COL11A2: variants seen among roughly 807,000 people sequenced by gnomAD.
COL11A2 encodes the protein collagen type XI alpha 2 chain, also known as collagen alpha-2(XI) chain.
A neutral mutation model predicts 273.4 loss-of-function variants in COL11A2; 116 were observed. That is an observed-to-expected ratio of 0.42 (90% CI 0.36 to 0.49). COL11A2 has a LOEUF of 0.49. Ranked by LOEUF, COL11A2 falls within the 20% of genes least tolerant of loss-of-function variation. COL11A2 has a pLI of 0.00. For missense variants in COL11A2, 1,866 were observed against 2,309.0 expected, an observed-to-expected ratio of 0.81 and a Z score of 3.93; for synonymous variants, 782 against 864.2, an observed-to-expected ratio of 0.90 and a Z score of 1.67.
At position 33,170,338 on chromosome 6, in the gene COL11A2, G is replaced by C; in HGVS notation, c.3570C>G (p.Pro1190=). The C allele has an allele frequency of 6.2e-7, 1 of 1,613,756 alleles. No homozygotes were observed. The highest frequency in any genetic ancestry group is 8.5e-7 in the Non-Finnish European group (1 of 1,179,908). ...GPPGPRGPAG[P]NGADGPQGPP... is the part of the protein sequence containing the mutation. ...TGAGATGACTCACATCAGCGCCATT[G>C]GGTCCAGCTGGACCTCGAGGTCCTG... The change falls in exon 48 of 66, where the codon CCC becomes CCG. Residue 1190 remains proline (P), a synonymous_variant. Transcript: ENST00000341947. This position sits in a 1 kb window ranked among gnomAD's most constrained non-coding sequence, Gnocchi z 4.3.
chr6:33,167,627 G>T lies in COL11A2; in HGVS notation c.4015-94C>A. 6.7e-7 allele frequency: 1 copy of T among 1,503,092 alleles called. No individual in the cohort carries two copies. The highest frequency in any genetic ancestry group is 9.2e-7 in the Non-Finnish European group (1 of 1,092,212). The allele number at this position is 1,503,092 out of a possible 1,614,324, so 93.1% of individuals were successfully genotyped here. A position where few individuals can be genotyped will look rare whatever the true frequency, so the allele number is the denominator to read the frequency against. On this transcript the variant is annotated intron_variant, in intron 55 of 65. Coordinates refer to ENST00000341947, the MANE Select transcript of COL11A2 (RefSeq NM_080680.3). The surrounding 1 kb of genome is among the most constrained non-coding windows in gnomAD (Gnocchi z 6.1). ...CAAGGTGGGAGGCAGGAGGCAGGGA[G>T]GAAGGGCCAAACTCTAGGAGCCCCT...
chr6:33,169,820 C>T lies in COL11A2; in HGVS notation c.3690+11G>A, dbSNP rs1379461000. The T allele has an allele frequency of 1.2e-5, 20 of 1,613,934 alleles. No individual in the cohort carries two copies. The highest frequency in any genetic ancestry group is 1.7e-5 in the Non-Finnish European group (20 of 1,179,966). On this transcript the variant is annotated intron_variant, in intron 50 of 65. Coordinates refer to ENST00000341947, the MANE Select transcript of COL11A2 (RefSeq NM_080680.3). This position sits in a 1 kb window ranked among gnomAD's most constrained non-coding sequence, Gnocchi z 5.5. Reference sequence around the variant, plus strand: ...GGGACTGGGGAGTAAGGCCTTGGAGCTGTCACTCACCTTGACACCTGGCTC... The same window carrying T: ...GGGACTGGGGAGTAAGGCCTTGGAGTTGTCACTCACCTTGACACCTGGCTC...
rs1390757960 is a variant in COL11A2 at position 33,177,633 on chromosome 6, G to A, written c.1917+29C>T. 6.2e-7 allele frequency: 1 copy of A among 1,612,376 alleles called. No homozygotes were observed. ...GGCAGGGACCTCGGGGGATAAGAATGGGGGTGGGATCTCCTATCCATCACT... is the reference window on the plus strand; with the variant it reads ...GGCAGGGACCTCGGGGGATAAGAATAGGGGTGGGATCTCCTATCCATCACT... On this transcript the variant is annotated intron_variant, in intron 22 of 65. Transcript: ENST00000341947. This position sits in a 1 kb window ranked among gnomAD's most constrained non-coding sequence, Gnocchi z 5.9.
In COL11A2 at chr6:33,180,684, C is replaced by T. The variant is rs1281859891; in HGVS notation, c.1268G>A (p.Gly423Glu). 6.2e-7 allele frequency: 1 copy of T among 1,610,404 alleles called. No individual in the cohort carries two copies. Among genetic ancestry groups the T allele is most frequent in the Non-Finnish European group, 8.5e-7 (1 of 1,178,858 alleles). Reference sequence around the variant, plus strand: ...CCCCCTTACCCTCTCTCCAGGGTCTCCAACTGGGCCTGGGTTCCCCTGGAT... The same window carrying T: ...CCCCCTTACCCTCTCTCCAGGGTCTTCAACTGGGCCTGGGTTCCCCTGGAT... Reference protein sequence around the residue: ...PGIQGNPGPVGDPGERGPPGR... With the variant: ...PGIQGNPGPVEDPGERGPPGR... The change falls in exon 11 of 66, where the codon GGA (glycine) becomes GAA (glutamate). Residue 423 changes from glycine to glutamate, a missense_variant. Transcript: ENST00000341947.
intron 54 of COL11A2, 80 bp downstream of exon 54, chr6:33,168,439 A>G: frequency 6.7e-7 from 1 of 1,483,924 alleles, no homozygotes; most frequent in Non-Finnish European, 9.4e-7. Flanking sequence ...CTCCCCACCC[A>G]TCCCACCTGC....
rs1462013650 is a variant in COL11A2 at position 33,178,699 on chromosome 6, G to A, written c.1699C>T (p.Pro567Ser). ...CTCACCCTATGGCCCTTCTCTCCAG[G>A]GAGCCCTGGGAGTCCATCAAAACCT... Reference protein sequence around the residue: ...DRGFDGLPGLPGEKGHRGDTG... With the variant: ...DRGFDGLPGLSGEKGHRGDTG... Residue 567 changes from proline (P) to serine (S), a missense_variant, in exon 18 of 66, where the codon CCT (proline) becomes TCT (serine). Pro to Ser is a moderately conservative substitution (Grantham distance 74). Transcript: ENST00000341947. The surrounding 1 kb of genome is among the most constrained non-coding windows in gnomAD (Gnocchi z 4.6). 1 of 1,612,768 alleles carries A rather than the reference G, an allele frequency of 6.2e-7. No homozygotes were observed. The highest frequency in any genetic ancestry group is 1.3e-5 in the African/African-American group (1 of 74,866).
chr6:33,177,445 T>C lies in COL11A2; in HGVS notation c.1938A>G (p.Gly646=). The part of the protein sequence containing the change: ...KGSLGPQGEP[G]PPGQQGTPGT... ...CAGGGGTGCCCTGTTGTCCAGGAGG[T>C]CCTGGCTCTCCCTGGGGTCCCTAGA... The change falls in exon 23 of 66, where the codon GGA becomes GGG. Residue 646 remains glycine (G), a synonymous_variant. Transcript: ENST00000341947. This position sits in a 1 kb window ranked among gnomAD's most constrained non-coding sequence, Gnocchi z 5.9. 6.2e-7 allele frequency: 1 copy of C among 1,612,622 alleles called. No individual in the cohort carries two copies. The highest frequency in any genetic ancestry group is 8.5e-7 in the Non-Finnish European group (1 of 1,179,934).
In COL11A2 at chr6:33,169,399, C is replaced by T. The variant is rs1769704251; in HGVS notation, c.3782G>A (p.Gly1261Asp). ...PGPKGPTGDDGPKGNPGPVGF... is the reference protein window; with the variant it reads ...PGPKGPTGDDDPKGNPGPVGF... ...CAAACTCACAGGGTTCCCTTTGGGG[C>T]CATCATCGCCTGTGGGGCCTTTAGG... The change falls in exon 51 of 66, where the codon GGC becomes GAC. Residue 1261 changes from glycine (G) to aspartate (D), a missense_variant. Physicochemically the swap from Gly to Asp is moderately conservative, Grantham distance 94. Transcript: ENST00000341947. The surrounding 1 kb of genome is among the most constrained non-coding windows in gnomAD (Gnocchi z 5.5). 2 of 1,612,700 alleles carry T rather than the reference C, an allele frequency of 1.2e-6. No individual in the cohort carries two copies. Among genetic ancestry groups the T allele is most frequent in the Admixed American group, 1.7e-5 (1 of 60,008 alleles).
chr6:33,177,900 C>A lies in COL11A2; in HGVS notation c.1873-194G>T. On this transcript the variant is annotated intron_variant, in intron 21 of 65. Transcript: ENST00000341947. The surrounding 1 kb of genome is among the most constrained non-coding windows in gnomAD (Gnocchi z 5.9). ...GCTTGTGGGCTTTGGTTTTGTTTTT[C>A]TTGAAGATTTATTTCCTATGCCCAG... 1.3e-6 allele frequency: 1 copy of A among 783,268 alleles called. No homozygotes were observed. Among genetic ancestry groups the A allele is most frequent in the Non-Finnish European group, 2.1e-6 (1 of 476,072 alleles). 48.5% of individuals were successfully genotyped at this position (783,268 alleles called of 1,614,324 possible). A position where few individuals can be genotyped will look rare whatever the true frequency, so the allele number is the denominator to read the frequency against.
At chr6:33,172,403 G>A (rs368321518) in intron 39 of COL11A2, 25 bp from the exon 40 acceptor site, 15 of 1,568,930 alleles carry the variant, frequency 9.6e-6, no homozygotes, top group Admixed American at 1.8e-5. Context: ...GAGGTGATGA[G>A]CCACAGCCAT....
chr6:33,191,879 C>A (rs1562396055), intron 1 of COL11A2, among the ~76,000 whole-genome samples: 1 of 152,210 alleles, frequency 6.6e-6, no homozygotes, highest in Non-Finnish European at 1.5e-5. Flanking sequence ...TCAGCTCTTC[C>A]CAAGGACTCA....
In COL11A2 at chr6:33,178,185, C is replaced by T. The variant is rs1320963296; in HGVS notation, c.1819G>A (p.Gly607Arg). 1 of 1,611,874 alleles carries T rather than the reference C, an allele frequency of 6.2e-7. No homozygotes were observed. Among genetic ancestry groups the T allele is most frequent in the Non-Finnish European group, 8.5e-7 (1 of 1,179,294 alleles). Residue 607 changes from glycine to arginine, a missense_variant and splice_region_variant, in exon 21 of 66, where the codon GGA (glycine) becomes AGA (arginine). Gly to Arg is a moderately radical substitution (Grantham distance 125). Coordinates refer to ENST00000341947, the MANE Select transcript of COL11A2 (RefSeq NM_080680.3). This position sits in a 1 kb window ranked among gnomAD's most constrained non-coding sequence, Gnocchi z 4.6. The stretch of plus-strand genomic sequence containing the variant: ...TTGGGGCCAAGGAGACCTCGAGGTC[C>T]CTGCATTCACGGTGAGGGGAGGAGA... ...IGPRGLPGES[G>R]PRGLLGPKGP...
chr6:33,166,484 T>G lies in COL11A2; in HGVS notation c.4392+29A>C. 6.2e-7 allele frequency: 1 copy of G among 1,610,354 alleles called. No homozygotes were observed. The highest frequency in any genetic ancestry group is 8.5e-7 in the Non-Finnish European group (1 of 1,177,898). On this transcript the variant is annotated intron_variant, in intron 60 of 65. Coordinates refer to ENST00000341947, the MANE Select transcript of COL11A2 (RefSeq NM_080680.3). The surrounding 1 kb of genome is among the most constrained non-coding windows in gnomAD (Gnocchi z 4.8). The stretch of plus-strand genomic sequence containing the variant: ...GTGGGCAGCAGAGGGGTTTAGGGGA[T>G]TTTGTGGAGGAACAGAGGCAGTACT...
At position 33,190,528 on chromosome 6, in the gene COL11A2, CAA is replaced by C. The variant is rs1233426130; in HGVS notation, c.83-1061_83-1060del. ...CATCAGCTCCAGATTGGAAAAATCC[CAA>C]AGAGAGTTCCAGCAAAACTTTCATA... On this transcript the variant is annotated intron_variant, in intron 1 of 65. Coordinates refer to ENST00000341947, the MANE Select transcript of COL11A2 (RefSeq NM_080680.3). This position sits in a 1 kb window ranked among gnomAD's most constrained non-coding sequence, Gnocchi z 4.5. 6.7e-6 allele frequency among the ~76,000 whole-genome samples: 1 copy of C among 149,978 alleles called. No individual in the cohort carries two copies. Among genetic ancestry groups the C allele is most frequent in the African/African-American group, 2.4e-5 (1 of 40,900 alleles).
rs912140005 is a variant in COL11A2 at position 33,192,325 on chromosome 6, C to T, written c.-85G>A. On this transcript the variant is annotated 5_prime_UTR_variant, in exon 1 of 66. Coordinates refer to ENST00000341947, the MANE Select transcript of COL11A2 (RefSeq NM_080680.3). ...CCTGAGGCTGACAGAAGACAGGGAG[C>T]AGACTATGAGCCTCAGACGCCGGGG... is the stretch of plus-strand genomic sequence containing the variant. 2.3e-6 allele frequency: 3 copies of T among 1,327,564 alleles called. No individual in the cohort carries two copies. Among genetic ancestry groups the T allele is most frequent in the Admixed American group, 3.9e-5 (2 of 50,704 alleles). 82.2% of individuals were successfully genotyped at this position (1,327,564 alleles called of 1,614,324 possible).
chr6:33,192,334 A>G lies in COL11A2; in HGVS notation c.-94T>C, dbSNP rs1263306767. 4.1e-6 allele frequency: 5 copies of G among 1,227,108 alleles called. No individual in the cohort carries two copies. Among genetic ancestry groups the G allele is most frequent in the Non-Finnish European group, 5.8e-6 (5 of 860,664 alleles). The allele number at this position is 1,227,108 out of a possible 1,614,324, so 76.0% of individuals were successfully genotyped here. ...GACAGAAGACAGGGAGCAGACTATG[A>G]GCCTCAGACGCCGGGGTCCCAGGGA... On this transcript the variant is annotated 5_prime_UTR_variant, in exon 1 of 66. Coordinates refer to ENST00000341947, the MANE Select transcript of COL11A2 (RefSeq NM_080680.3).
chr6:33,179,042 C>A lies in COL11A2; in HGVS notation c.1611+31G>T, dbSNP rs2150578894. The A allele has an allele frequency of 1.2e-6, 2 of 1,614,078 alleles. No individual in the cohort carries two copies. The highest frequency in any genetic ancestry group is 4.5e-5 in the East Asian group (2 of 44,876). On this transcript the variant is annotated intron_variant, in intron 16 of 65. Coordinates refer to ENST00000341947, the MANE Select transcript of COL11A2 (RefSeq NM_080680.3). The surrounding 1 kb of genome is among the most constrained non-coding windows in gnomAD (Gnocchi z 6.4). Reference sequence around the variant, plus strand: ...CCCTACCCTGCAGGCCCTGTCTCCCCACAACACCCATCCACCCCTGGGGCA... The same window carrying A: ...CCCTACCCTGCAGGCCCTGTCTCCCAACAACACCCATCCACCCCTGGGGCA...
In COL11A2 at chr6:33,165,932, G is replaced by A. The variant is rs758796613; in HGVS notation, c.4481C>T (p.Pro1494Leu). The change falls in exon 62 of 66, where the codon CCG (proline) becomes CTG (leucine). Residue 1494 changes from proline (P) to leucine (L), a missense_variant and splice_region_variant. Physicochemically the swap from Pro to Leu is moderately conservative, Grantham distance 98. Transcript: ENST00000341947. The surrounding 1 kb of genome is among the most constrained non-coding windows in gnomAD (Gnocchi z 7.7). ...EKGVQGPPGH[P>L]GPPGEVIQPL... ...GAGCAGCCCTGACTCCTCACTCACC[G>A]GGTGTCCTGGAGGGCCCTGCACACC... 1.6e-5 allele frequency: 26 copies of A among 1,613,918 alleles called. No homozygotes were observed. Among genetic ancestry groups the A allele is most frequent in the South Asian group, 6.6e-5 (6 of 91,084 alleles).
chr6:33,165,552 C>T lies in COL11A2; in HGVS notation c.4747G>A (p.Asp1583Asn), dbSNP rs753728183. The T allele has an allele frequency of 1.1e-5, 17 of 1,612,800 alleles. No homozygotes were observed. The highest frequency in any genetic ancestry group is 2.2e-5 in the East Asian group (1 of 44,874). The change falls in exon 63 of 66, where the codon GAT (aspartate) becomes AAT (asparagine). Residue 1583 changes from aspartate to asparagine, a missense_variant. By Grantham distance (23) the Asp-to-Asn change is conservative. Coordinates refer to ENST00000341947, the MANE Select transcript of COL11A2 (RefSeq NM_080680.3). The surrounding 1 kb of genome is among the most constrained non-coding windows in gnomAD (Gnocchi z 7.7). ...DLKLCHPELP[D>N]GEYWVDPNQG... The stretch of plus-strand genomic sequence containing the variant: ...GCACCCTGAGGCTAGCACTGACCAT[C>T]GGGAAGCTCTGGGTGGCACAGCTTC...
Sources: gnomAD v4.1 joint callset for allele counts (sites outside exome capture counted in the v4.1 genomes callset) on GRCh38, gnomAD v4.1.1 for gene constraint, Gnocchi (gnomAD v3.1) non-coding constraint, MANE v1.5 for transcripts, NCBI Gene and HGNC (gene_info 2026-07-23, HGNC 2026-07-21) for gene names.